Variants in HDHD2 observed in about 807,000 individuals in gnomAD.
The protein encoded by HDHD2 is haloacid dehalogenase-like hydrolase domain-containing protein 2.
Under a neutral mutation model 24.8 loss-of-function variants are expected in HDHD2, and 26 were observed. That is an observed-to-expected ratio of 1.05 (90% CI 0.77 to 1.45). HDHD2 has a LOEUF of 1.45. HDHD2 is among the 40% of genes most tolerant of loss of function. The probability of loss-of-function intolerance (pLI) is 0.00; values close to 1 mark genes in which losing one functional copy is unlikely to be tolerated. For synonymous variants in HDHD2, 128 were observed against 114.9 expected (o/e 1.11, Z -0.73); for missense variants, 299 against 313.4 (o/e 0.95, Z 0.35).
intron 5 of HDHD2, among the ~76,000 whole-genome samples, chr18:47,113,241 A>G (rs977020406): frequency 6.6e-6 from 1 of 152,258 alleles, no homozygotes; most frequent in African/African-American, 2.4e-5. Flanking sequence ...AGTATCTCAG[A>G]GGTGGAAGGT....
At chr18:47,135,684 C>T (rs957770340) in intron 2 of HDHD2, among the ~76,000 whole-genome samples, 1 of 152,070 alleles carries the variant, frequency 6.6e-6, no homozygotes, top group Non-Finnish European at 1.5e-5. Flanking sequence ...GATAAAGATC[C>T]TTAATATATG....
chr18:47,128,436 T>C (rs778440823), intron 4 of HDHD2, among the ~76,000 whole-genome samples: 16 of 152,348 alleles, frequency 1.1e-4, no homozygotes, highest in Non-Finnish European at 2.1e-4. Flanking sequence ...AAAACTGATA[T>C]TGGTATAGTT....
chr18:47,109,909 T>C (rs2063502211), intron 6 of HDHD2: 1 of 892,996 alleles, frequency 1.1e-6, no homozygotes, highest in Non-Finnish European at 1.3e-6. Context: ...GTACCTAACA[T>C]AGTGACTAGC....
intron 5 of HDHD2, among the ~76,000 whole-genome samples, 183 bp from the exon 6 acceptor site, chr18:47,113,223 G>A (rs964006058): frequency 3.9e-5 from 6 of 152,204 alleles, no homozygotes; most frequent in African/African-American, 1.4e-4. Context: ...TCCAAATTGG[G>A]AAAGGGAAGT....
At chr18:47,126,181 C>A (rs1210534185) in intron 4 of HDHD2, among the ~76,000 whole-genome samples, 3 of 152,140 alleles carry the variant, frequency 2.0e-5, no homozygotes, top group Admixed American at 1.3e-4. Context: ...TCAACCCTTT[C>A]AAAAATGGGA....
chr18:47,137,814 A>T (rs2144365757), intron 1 of HDHD2, among the ~76,000 whole-genome samples: 1 of 152,266 alleles, frequency 6.6e-6, no homozygotes, highest in Middle Eastern at 3.4e-3. Flanking sequence ...TTACTCAAAA[A>T]AAAAAATCCT....
intron 1 of HDHD2, among the ~76,000 whole-genome samples, chr18:47,144,038 C>G (rs532590435): frequency 1.8e-4 from 28 of 151,892 alleles, no homozygotes; most frequent in South Asian, 8.3e-4. Flanking sequence ...CAAATAAAGC[C>G]TAACAATACT....
At chr18:47,146,773 T>C (rs1463845816) in intron 1 of HDHD2, among the ~76,000 whole-genome samples, 1 of 152,108 alleles carries the variant, frequency 6.6e-6, no homozygotes, top group Admixed American at 6.5e-5. Context: ...ATTATAGTAC[T>C]CAAAAATACA....
chr18:47,139,960 T>C (rs2063805010), intron 1 of HDHD2, among the ~76,000 whole-genome samples: 1 of 152,216 alleles, frequency 6.6e-6, no homozygotes, highest in Admixed American at 6.5e-5. Flanking sequence ...ACAGAACTAA[T>C]GGCAATATTG....
intron 4 of HDHD2, among the ~76,000 whole-genome samples, chr18:47,124,255 A>G (rs890964051): frequency 3.9e-5 from 6 of 152,228 alleles, no homozygotes; most frequent in African/African-American, 1.4e-4. Context: ...GTAAGCAAAG[A>G]TTTCTTAAAC....
intron 4 of HDHD2, among the ~76,000 whole-genome samples, chr18:47,118,981 T>A (rs950567740): frequency 6.6e-6 from 1 of 152,216 alleles, no homozygotes; most frequent in African/African-American, 2.4e-5. Flanking sequence ...GCGAGTCACA[T>A]AAATTTTGGT....
At chr18:47,130,753 G>A (rs547638561) in intron 3 of HDHD2, among the ~76,000 whole-genome samples, 33 of 152,186 alleles carry the variant, frequency 2.2e-4, no homozygotes, top group African/African-American at 7.7e-4. Context: ...AATCTAAGAG[G>A]CAAGGGAAAT....
At chr18:47,111,156 T>C (rs985802939) in intron 6 of HDHD2, 10 of 985,108 alleles carry the variant, frequency 1.0e-5, no homozygotes, top group Non-Finnish European at 1.2e-5. Flanking sequence ...CTGTACTTAG[T>C]TGATTTACTA....
chr18:47,109,899 G>A (rs1225217085), intron 6 of HDHD2: 1 of 821,568 alleles, frequency 1.2e-6, no homozygotes, highest in East Asian at 1.2e-4. Flanking sequence ...TGTATTCCAA[G>A]TACCTAACAT....
At chr18:47,114,746 T>C (rs2063543583) in intron 5 of HDHD2, among the ~76,000 whole-genome samples, 1 of 152,244 alleles carries the variant, frequency 6.6e-6, no homozygotes. Context: ...TAGAATTCTT[T>C]GGTGTAGGTT....
Position 47,119,214 on chromosome 18 carries a change from G to C in HDHD2, c.396-3866C>G, listed in dbSNP as rs1433145420. On this transcript the variant is annotated intron_variant, in intron 4 of 6. Coordinates refer to ENST00000300605, the MANE Select transcript of HDHD2 (RefSeq NM_032124.5). ...TCACTGTGGCAATGCCTCAAAATAA[G>C]ACAACAATGAAGCTTGCTGCATCAG... Among the ~76,000 whole-genome samples the C allele has an allele frequency of 2.6e-5, 4 of 152,244 alleles. No individual in the cohort carries two copies. The East Asian group carries it at 7.7e-4, about 29-fold the overall frequency.
rs1485758205 is a variant in HDHD2, at chr18:47,112,197, T to C, written c.676+780A>G. Among the ~76,000 whole-genome samples, 3 of 152,214 alleles carry C rather than the reference T, an allele frequency of 2.0e-5. No homozygotes were observed. The East Asian group carries it at 5.8e-4, about 29-fold the overall frequency. ...TAACAGATCTTATGCCTGTTCTTTC[T>C]TTATCTCGAAAGGACTTTATCAGTC... On this transcript the variant is annotated intron_variant, in intron 6 of 6. Transcript: ENST00000300605.
intron 1 of HDHD2, among the ~76,000 whole-genome samples, chr18:47,141,232 C>T (rs1258972440): frequency 6.6e-6 from 1 of 152,168 alleles, no homozygotes; most frequent in Non-Finnish European, 1.5e-5. Context: ...ATTTTTTCCC[C>T]TTAAGCTGTC....
At chr18:47,143,504 G>A (rs115808828) in intron 1 of HDHD2, among the ~76,000 whole-genome samples, 4,231 of 152,182 alleles carry the variant, frequency 0.028, 176 homozygotes, top group African/African-American at 0.097. Context: ...TACTCATGAT[G>A]CTTAAGAAAT....
Sources: gnomAD v4.1 joint callset for allele counts (sites outside exome capture counted in the v4.1 genomes callset) on GRCh38, gnomAD v4.1.1 for gene constraint, MANE v1.5 for transcripts, NCBI Gene and HGNC (gene_info 2026-07-23, HGNC 2026-07-21) for gene names.